The following TFEC variants were observed in gnomAD, a reference collection of about 807,000 sequenced individuals.
TFEC encodes transcription factor EC, also known as class E basic helix-loop-helix protein 34.
TFEC carries 31 observed loss-of-function variants against 41.6 expected under a neutral mutation model. The ratio of observed to expected loss-of-function variants is 0.74; its 90% CI spans 0.56 to 1.01. The LOEUF (loss-of-function observed/expected upper bound fraction) is 1.01, where lower values mean the gene tolerates loss of function less well. TFEC is among the 50% of genes least tolerant of loss of function. TFEC has a pLI of 0.00. For synonymous variants in TFEC, 143 were observed against 140.6 expected (o/e 1.02, Z -0.12); for missense variants, 402 against 404.1 (o/e 0.99, Z 0.04).
At chr7:115,950,984 T>G (rs762448406) in intron 5 of TFEC, 35 bp from the exon 6 acceptor site, 1 of 1,343,628 alleles carries the variant, frequency 7.4e-7, no homozygotes, top group Non-Finnish European at 1.0e-6. Flanking sequence ...TTATTCTCAT[T>G]AATGCACAGT....
chr7:116,126,983 G>A (rs1284973757), intron 1 of TFEC, among the ~76,000 whole-genome samples: 2 of 152,150 alleles, frequency 1.3e-5, no homozygotes, highest in South Asian at 2.1e-4. Context: ...AATCTCCAAT[G>A]GTAGTAGATT....
intron 3 of TFEC, among the ~76,000 whole-genome samples, chr7:115,969,202 G>A (rs763013286): frequency 6.6e-6 from 1 of 151,820 alleles, no homozygotes; most frequent in African/African-American, 2.4e-5. Flanking sequence ...AACAAAACAG[G>A]CTACTGTTTT....
intron 6 of TFEC, among the ~76,000 whole-genome samples, chr7:115,943,919 T>C (rs950829588): frequency 6.6e-6 from 1 of 150,742 alleles, no homozygotes; most frequent in African/African-American, 2.4e-5. Context: ...CAATCTGTTG[T>C]TATCTTAGGG....
In TFEC at chr7:116,083,084, A is replaced by G. The variant is rs188079226; in HGVS notation, c.198+27624T>C. Reference sequence around the variant, plus strand: ...TTTAGTAAAATTCTAGTTTAAAATGATAATTTTAAGTACTACGAAAATATT... The same window carrying G: ...TTTAGTAAAATTCTAGTTTAAAATGGTAATTTTAAGTACTACGAAAATATT... On this transcript the variant is annotated intron_variant, in intron 3 of 8. Transcript: ENST00000484212. Among the ~76,000 whole-genome samples the G allele has an allele frequency of 3.1e-3, 477 of 152,028 alleles. 2 individuals carry two copies. The highest frequency in any genetic ancestry group is 0.011 in the African/African-American group (457 of 41,552).
At chr7:116,041,284 TAAA>T in intron 3 of TFEC, among the ~76,000 whole-genome samples, 1 of 148,318 alleles carries the variant, frequency 6.7e-6, no homozygotes. Flanking sequence ...AAGGAAGCAT[TAAA>T]AAAAAAGAAA....
At chr7:116,110,807 T>C in exon 3 of TFEC, 1 of 1,548,508 alleles carries the variant, frequency 6.5e-7, no homozygotes, top group Non-Finnish European at 8.7e-7. Flanking sequence ...GGAACTCTGT[T>C]CTATGGGCAC....
intron 3 of TFEC, among the ~76,000 whole-genome samples, chr7:116,044,318 AG>A (rs750774316): frequency 3.3e-5 from 5 of 152,206 alleles, no homozygotes; most frequent in Non-Finnish European, 7.3e-5. Context: ...TGATATTTTA[AG>A]GTATTTGTAC....
intron 1 of TFEC, among the ~76,000 whole-genome samples, chr7:115,988,094 C>T (rs960061201): frequency 2.0e-5 from 3 of 152,092 alleles, no homozygotes; most frequent in African/African-American, 4.8e-5. Flanking sequence ...TTTTCCTTTA[C>T]CCAAAACCTT....
intron 3 of TFEC, among the ~76,000 whole-genome samples, chr7:116,070,728 G>C (rs1356350531): frequency 2.6e-5 from 4 of 151,304 alleles, no homozygotes; most frequent in Non-Finnish European, 5.9e-5. Context: ...CAAGTATTAA[G>C]ATTTTTCTAT....
intron 1 of TFEC, among the ~76,000 whole-genome samples, chr7:116,138,930 T>C (rs1461029611): frequency 5.3e-5 from 8 of 152,118 alleles, no homozygotes; most frequent in Non-Finnish European, 7.4e-5. Flanking sequence ...TGAAATACAA[T>C]AATAATTGCA....
intron 1 of TFEC, among the ~76,000 whole-genome samples, chr7:116,007,564 A>G (rs1794846036): frequency 6.6e-6 from 1 of 152,200 alleles, no homozygotes; most frequent in Non-Finnish European, 1.5e-5. Context: ...GCTCCTAAAT[A>G]CGTGACTTAT....
intron 1 of TFEC, among the ~76,000 whole-genome samples, chr7:116,021,386 T>C (rs772030998): frequency 6.6e-6 from 1 of 152,198 alleles, no homozygotes; most frequent in Non-Finnish European, 1.5e-5. Context: ...GGATAATGCC[T>C]TATTAGGACT....
chr7:115,977,342 G>T (rs149903066), intron 2 of TFEC, among the ~76,000 whole-genome samples: 1 of 151,946 alleles, frequency 6.6e-6, no homozygotes, highest in Admixed American at 6.6e-5. Context: ...GAAAGTATAA[G>T]ATTCAAGGAC....
At chr7:116,110,652 A>T in intron 3 of TFEC, 1 of 1,125,440 alleles carries the variant, frequency 8.9e-7, no homozygotes. Context: ...AGATTTTCAG[A>T]GGTAGTTACT....
At chr7:116,022,032 CA>C (rs916008154) in intron 1 of TFEC, among the ~76,000 whole-genome samples, 17 of 152,098 alleles carry the variant, frequency 1.1e-4, no homozygotes, top group African/African-American at 3.9e-4. Flanking sequence ...ATGAAAGGCA[CA>C]AGGGGAAGGG....
At chr7:116,083,791 T>A (rs1333973892) in intron 3 of TFEC, among the ~76,000 whole-genome samples, 1 of 151,950 alleles carries the variant, frequency 6.6e-6, no homozygotes, top group Non-Finnish European at 1.5e-5. Flanking sequence ...AGAAATCTGC[T>A]ATTCTCCTTC....
intron 1 of TFEC, among the ~76,000 whole-genome samples, chr7:116,024,617 C>G (rs1018970618): frequency 6.6e-6 from 1 of 152,132 alleles, no homozygotes; most frequent in Admixed American, 6.6e-5. Flanking sequence ...CCACCTGTTT[C>G]AAAGAAGAGG....
chr7:116,132,867 T>A (rs1365768454), intron 1 of TFEC, among the ~76,000 whole-genome samples: 1 of 152,174 alleles, frequency 6.6e-6, no homozygotes, highest in African/African-American at 2.4e-5. Flanking sequence ...GTTGTGAATG[T>A]TTACAGTGAA....
intron 3 of TFEC, among the ~76,000 whole-genome samples, chr7:116,065,532 G>T (rs1156254996): frequency 6.6e-6 from 1 of 152,108 alleles, no homozygotes; most frequent in Non-Finnish European, 1.5e-5. Flanking sequence ...TTTGAACTGG[G>T]AAGTCAGTTG....
Sources: gnomAD v4.1 joint callset for allele counts (sites outside exome capture counted in the v4.1 genomes callset) on GRCh38, gnomAD v4.1.1 for gene constraint, MANE v1.5 for transcripts, NCBI Gene and HGNC (gene_info 2026-07-23, HGNC 2026-07-21) for gene names.